ODAD2: variants seen among roughly 807,000 people sequenced by gnomAD.
The protein encoded by ODAD2 is outer dynein arm docking complex subunit 2, also known as outer dynein arm-docking complex subunit 2.
A neutral mutation model predicts 106.8 loss-of-function variants in ODAD2; 89 were observed. The observed-to-expected ratio is 0.83, with a 90% CI of 0.70 to 0.99. ODAD2 has a LOEUF of 0.99. Among genes scored for constraint, ODAD2 ranks in the 50% least tolerant of loss-of-function variants. The probability of loss-of-function intolerance (pLI) is 0.00; values close to 1 mark genes in which losing one functional copy is unlikely to be tolerated. For missense variants in ODAD2, 1,168 were observed against 1,238.5 expected, an observed-to-expected ratio of 0.94 and a Z score of 0.85; for synonymous variants, 404 against 436.2, an observed-to-expected ratio of 0.93 and a Z score of 0.92.
At chr10:27,925,426 T>C (rs1845187350) in intron 16 of ODAD2, among the ~76,000 whole-genome samples, 1 of 152,224 alleles carries the variant, frequency 6.6e-6, no homozygotes, top group Non-Finnish European at 1.5e-5. Context: ...GATGCAATCA[T>C]GGCTTACTAC....
chr10:27,933,300 T>A (rs926914624), intron 16 of ODAD2, among the ~76,000 whole-genome samples: 11 of 152,072 alleles, frequency 7.2e-5, no homozygotes, highest in African/African-American at 2.7e-4. Context: ...AGACAATTGA[T>A]ATTTGCAAGT....
intron 12 of ODAD2, among the ~76,000 whole-genome samples, chr10:27,942,714 G>C (rs575787485): frequency 6.6e-6 from 1 of 151,976 alleles, no homozygotes; most frequent in South Asian, 2.1e-4. Context: ...GAAAATTTTC[G>C]AACAGAAAAG....
chr10:27,973,208 AAAT>A (rs1848969714), intron 7 of ODAD2, among the ~76,000 whole-genome samples: 1 of 124,496 alleles, frequency 8.0e-6, no homozygotes, highest in South Asian at 2.5e-4. Flanking sequence ...CTCATGGTCA[AAAT>A]AATACATACA....
chr10:27,862,740 C>A, intron 17 of ODAD2, 118 bp from the exon 18 acceptor site: 1 of 580,250 alleles, frequency 1.7e-6, no homozygotes, highest in Non-Finnish European at 2.9e-6. Context: ...AAGACTACTT[C>A]AACTTAATTT....
Position 27,944,365 on chromosome 10 carries a change from G to C in ODAD2, c.1600C>G (p.Leu534Val). The C allele has an allele frequency of 6.2e-7, 1 of 1,613,910 alleles. No homozygotes were observed. Among genetic ancestry groups the C allele is most frequent in the Middle Eastern group, 1.6e-4 (1 of 6,062 alleles). ...TTCACCATAATTGGTAAGCCCCCAAGGTCAACAATATTCTGTCTGATTTGA... is the reference window on the plus strand; with the variant it reads ...TTCACCATAATTGGTAAGCCCCCAACGTCAACAATATTCTGTCTGATTTGA... Reference protein sequence around the residue: ...NPQIRQNIVDLGGLPIMVNIL... With the variant: ...NPQIRQNIVDVGGLPIMVNIL... Residue 534 changes from leucine (L) to valine (V), a missense_variant, in exon 12 of 20, where the codon CTT (leucine) becomes GTT (valine). Around this residue, in one of 3 missense-constraint regions of ODAD2, gnomAD observed 701 missense variants for 712.3 expected, o/e 0.98. Transcript: ENST00000305242.
At chr10:27,867,071 ATAG>A (rs1840492503) in intron 17 of ODAD2, among the ~76,000 whole-genome samples, 1 of 152,122 alleles carries the variant, frequency 6.6e-6, no homozygotes, top group East Asian at 1.9e-4. Flanking sequence ...AACAGTGCAG[ATAG>A]TAGAGCAAAA....
intron 19 of ODAD2, among the ~76,000 whole-genome samples, chr10:27,850,301 C>T (rs539459319): frequency 2.0e-5 from 3 of 152,022 alleles, no homozygotes; most frequent in African/African-American, 7.2e-5. Flanking sequence ...AAAAATTAGA[C>T]GGCCGTGGTG....
chr10:27,951,966 T>C (rs1257467492), intron 10 of ODAD2, among the ~76,000 whole-genome samples: 1 of 150,544 alleles, frequency 6.6e-6, no homozygotes, highest in Non-Finnish European at 1.5e-5. Context: ...TCCCAGCTGC[T>C]TGGGAGGCTG....
intron 7 of ODAD2, among the ~76,000 whole-genome samples, chr10:27,980,749 C>T (rs1490352160): frequency 1.3e-5 from 2 of 152,064 alleles, no homozygotes; most frequent in South Asian, 2.1e-4. Flanking sequence ...GTGTGGCCCC[C>T]GTGGAAAACA....
intron 17 of ODAD2, among the ~76,000 whole-genome samples, chr10:27,895,518 G>C (rs1842803854): frequency 6.6e-6 from 1 of 152,092 alleles, no homozygotes; most frequent in South Asian, 2.1e-4. Flanking sequence ...TGAACCCCTG[G>C]CTTCCAGCTA....
At chr10:27,862,702 A>G in intron 17 of ODAD2, 80 bp from the exon 18 acceptor site, 1 of 1,029,834 alleles carries the variant, frequency 9.7e-7, no homozygotes, top group Non-Finnish European at 1.4e-6. Context: ...AAGTAACAAT[A>G]CAGCTGTGAG....
At chr10:27,923,483 T>C (rs1590032030) in intron 16 of ODAD2, among the ~76,000 whole-genome samples, 1 of 152,106 alleles carries the variant, frequency 6.6e-6, no homozygotes, top group Non-Finnish European at 1.5e-5. Context: ...GCACCTACTA[T>C]AGAAGATGTA....
chr10:27,963,810 A>ACC (rs5784034), intron 9 of ODAD2, among the ~76,000 whole-genome samples: 16 of 151,856 alleles, frequency 1.1e-4, no homozygotes, highest in Non-Finnish European at 2.1e-4. Context: ...AGTTTTTTAG[A>ACC]CCCCCATGCA....
intron 19 of ODAD2, among the ~76,000 whole-genome samples, chr10:27,841,217 A>G (rs1727934666): frequency 6.6e-6 from 1 of 152,086 alleles, no homozygotes. Flanking sequence ...AGCAACTGTT[A>G]TTACTATGAT....
intron 2 of ODAD2, among the ~76,000 whole-genome samples, chr10:27,988,886 G>A (rs1850046134): frequency 1.3e-5 from 2 of 152,158 alleles, no homozygotes; most frequent in South Asian, 4.2e-4. Context: ...CTGAGATGGG[G>A]AGACTATTCT....
At chr10:27,870,394 G>A (rs1840774681) in intron 17 of ODAD2, among the ~76,000 whole-genome samples, 1 of 151,960 alleles carries the variant, frequency 6.6e-6, no homozygotes, top group Admixed American at 6.6e-5. Flanking sequence ...TAGGGTACAT[G>A]TGCTCAACAT....
At chr10:27,926,327 T>C (rs1230492358) in intron 16 of ODAD2, among the ~76,000 whole-genome samples, 1 of 151,514 alleles carries the variant, frequency 6.6e-6, no homozygotes, top group Non-Finnish European at 1.5e-5. Flanking sequence ...TAGCGGGATA[T>C]AGAATTATCA....
At chr10:27,840,120 T>A (rs1838201095) in intron 19 of ODAD2, among the ~76,000 whole-genome samples, 1 of 152,222 alleles carries the variant, frequency 6.6e-6, no homozygotes, top group East Asian at 1.9e-4. Context: ...CAGCAAGAAT[T>A]TGTCATTTTC....
chr10:27,859,950 G>A (rs1435447816), intron 19 of ODAD2, among the ~76,000 whole-genome samples: 2 of 152,132 alleles, frequency 1.3e-5, no homozygotes, highest in African/African-American at 4.8e-5. Flanking sequence ...GTGTTTAGTT[G>A]GTGCCTATGG....
Sources: allele counts gnomAD v4.1 joint callset (sites outside exome capture counted in the v4.1 genomes callset), GRCh38; gene constraint gnomAD v4.1.1; regional missense constraint gnomAD v4.1.1; transcripts MANE v1.5; gene names NCBI Gene and HGNC (gene_info 2026-07-23, HGNC 2026-07-21).